Variants in ZNF804B observed in about 807,000 individuals in gnomAD.
ZNF804B encodes zinc finger protein 804B, also known as zinc finger 804B.
A neutral mutation model predicts 101.4 loss-of-function variants in ZNF804B; 80 were observed. The ratio of observed to expected loss-of-function variants is 0.79; its 90% CI spans 0.66 to 0.95. The LOEUF is 0.95. Ranked by LOEUF, ZNF804B falls within the 40% of genes least tolerant of loss-of-function variation. ZNF804B has a pLI of 0.00. For synonymous variants in ZNF804B, 622 were observed against 558.8 expected (o/e 1.11, Z -1.59); for missense variants, 1,673 against 1,561.9 (o/e 1.07, Z -1.20).
At chr7:88,901,135 AG>A (rs1792383724) in intron 1 of ZNF804B, among the ~76,000 whole-genome samples, 1 of 151,834 alleles carries the variant, frequency 6.6e-6, no homozygotes, top group African/African-American at 2.4e-5. Flanking sequence ...ACAGAAAAAA[AG>A]TGTTGTGAGC....
At chr7:88,779,332 A>G (rs1460490827) in intron 1 of ZNF804B, among the ~76,000 whole-genome samples, 1 of 152,214 alleles carries the variant, frequency 6.6e-6, no homozygotes, top group Non-Finnish European at 1.5e-5. Flanking sequence ...AACCAATGTC[A>G]ACTCATGAAT....
At chr7:89,123,496 G>C (rs2116369253) in intron 1 of ZNF804B, among the ~76,000 whole-genome samples, 1 of 152,204 alleles carries the variant, frequency 6.6e-6, no homozygotes, top group African/African-American at 2.4e-5. Context: ...GTATAATGAA[G>C]GGTTTGCTTT....
At chr7:89,049,301 GT>G (rs943282611) in intron 1 of ZNF804B, among the ~76,000 whole-genome samples, 3 of 152,094 alleles carry the variant, frequency 2.0e-5, no homozygotes, top group Non-Finnish European at 4.4e-5. Flanking sequence ...GAGATTTTCA[GT>G]TTGCTTCTTA....
At chr7:88,898,105 GA>G (rs1792336168) in intron 1 of ZNF804B, among the ~76,000 whole-genome samples, 1 of 28,604 alleles carries the variant, frequency 3.5e-5, no homozygotes, top group East Asian at 7.0e-4. Flanking sequence ...TTTTTTTTTT[GA>G]GATAGAGTCT....
At chr7:88,854,298 C>A (rs554792746) in intron 1 of ZNF804B, among the ~76,000 whole-genome samples, 3 of 152,226 alleles carry the variant, frequency 2.0e-5, no homozygotes, top group South Asian at 4.1e-4. Flanking sequence ...ATTTCACACA[C>A]ACAGAAAATA....
rs144054757 is a variant in ZNF804B at position 88,953,953 on chromosome 7, G to C, written c.108+193869G>C. ...GTTCTGTATTATGAATGTCACCTCT[G>C]TGGATATTTTTGTCCACATATTTGT... On this transcript the variant is annotated intron_variant, in intron 1 of 3. Coordinates refer to ENST00000333190, the MANE Select transcript of ZNF804B (RefSeq NM_181646.5). Among the ~76,000 whole-genome samples the C allele has an allele frequency of 6.0e-3, 915 of 151,642 alleles. 11 individuals are homozygous for C. The highest frequency in any genetic ancestry group is 0.021 in the African/African-American group (874 of 41,414).
intron 1 of ZNF804B, among the ~76,000 whole-genome samples, chr7:88,921,479 G>T (rs1008174147): frequency 2.0e-5 from 3 of 152,056 alleles, no homozygotes; most frequent in South Asian, 4.1e-4. Flanking sequence ...CATTTCTATT[G>T]TATGTACAAA....
At chr7:89,068,661 A>G (rs962693683) in intron 1 of ZNF804B, among the ~76,000 whole-genome samples, 2 of 152,210 alleles carry the variant, frequency 1.3e-5, no homozygotes, top group Non-Finnish European at 2.9e-5. Flanking sequence ...CTGGCGCATA[A>G]TAGGTCTACC....
intron 1 of ZNF804B, among the ~76,000 whole-genome samples, chr7:89,134,235 A>T (rs565792120): frequency 1.3e-5 from 2 of 152,234 alleles, no homozygotes; most frequent in Admixed American, 1.3e-4. Context: ...TTCTGACTTT[A>T]TCTGCTAAGT....
At chr7:88,886,796 T>C (rs891893659) in intron 1 of ZNF804B, among the ~76,000 whole-genome samples, 1 of 151,802 alleles carries the variant, frequency 6.6e-6, no homozygotes, top group Admixed American at 6.6e-5. Context: ...AAAGGAGATA[T>C]AATTCCTAAT....
chr7:89,083,629 C>T (rs749711416), intron 1 of ZNF804B, among the ~76,000 whole-genome samples: 20 of 151,700 alleles, frequency 1.3e-4, no homozygotes, highest in African/African-American at 1.9e-4. Context: ...GTAGCAAAAC[C>T]GTTACACTTT....
At position 88,791,471 on chromosome 7, in the gene ZNF804B, G is replaced by A. The variant is rs113470306; in HGVS notation, c.108+31387G>A. On this transcript the variant is annotated intron_variant, in intron 1 of 3. Coordinates refer to ENST00000333190, the MANE Select transcript of ZNF804B (RefSeq NM_181646.5). ...TGCTAAGTAAATCAGCAATTTTATC[G>A]TTGAGAGATATTCTATAACTTCTTC... 7.2e-3 allele frequency among the ~76,000 whole-genome samples: 1,088 copies of A among 152,084 alleles called. 7 individuals are homozygous for A. The highest frequency in any genetic ancestry group is 0.024 in the African/African-American group (1,008 of 41,502).
intron 1 of ZNF804B, among the ~76,000 whole-genome samples, chr7:89,158,898 T>C (rs2116417055): frequency 6.6e-6 from 1 of 152,288 alleles, no homozygotes; most frequent in East Asian, 1.9e-4. Context: ...AACCTCTCTC[T>C]ATTGTGAACC....
chr7:89,321,362 C>T (rs552345457), intron 2 of ZNF804B, among the ~76,000 whole-genome samples: 20 of 152,004 alleles, frequency 1.3e-4, no homozygotes, highest in Middle Eastern at 3.4e-3. Context: ...GCCTGTAGTC[C>T]CAGCTACTCA....
chr7:88,960,202 T>C (rs1793370103), intron 1 of ZNF804B, among the ~76,000 whole-genome samples: 1 of 151,442 alleles, frequency 6.6e-6, no homozygotes, highest in Admixed American at 6.6e-5. Flanking sequence ...ATTTTAAAAA[T>C]AACTAGGTGA....
intron 2 of ZNF804B, among the ~76,000 whole-genome samples, chr7:89,246,607 C>T (rs1789451230): frequency 6.6e-6 from 1 of 151,982 alleles, no homozygotes; most frequent in East Asian, 2.0e-4. Context: ...CATTTGAGCA[C>T]CTGCTCACTT....
intron 1 of ZNF804B, among the ~76,000 whole-genome samples, chr7:88,775,105 C>A (rs538026308): frequency 6.6e-6 from 1 of 152,306 alleles, no homozygotes; most frequent in Non-Finnish European, 1.5e-5. Context: ...ATTTTTATTT[C>A]TTAATGCCTT....
At chr7:88,818,850 A>T (rs371930502) in intron 1 of ZNF804B, among the ~76,000 whole-genome samples, 1 of 152,176 alleles carries the variant, frequency 6.6e-6, no homozygotes, top group South Asian at 2.1e-4. Context: ...AAATCACTCA[A>T]TGAACTGTCA....
chr7:88,938,668 A>G (rs1252377650), intron 1 of ZNF804B, among the ~76,000 whole-genome samples: 1 of 152,082 alleles, frequency 6.6e-6, no homozygotes, highest in Admixed American at 6.6e-5. Context: ...CTAAAAAATG[A>G]ATGATGGTTA....
Sources: gnomAD v4.1 joint callset for allele counts (sites outside exome capture counted in the v4.1 genomes callset) on GRCh38, gnomAD v4.1.1 for gene constraint, MANE v1.5 for transcripts, NCBI Gene and HGNC (gene_info 2026-07-23, HGNC 2026-07-21) for gene names.